The following CDH13 variants were observed in gnomAD, a reference collection of about 807,000 sequenced individuals.
CDH13 encodes the protein cadherin-13.
A neutral mutation model predicts 63.8 loss-of-function variants in CDH13; 24 were observed. The observed-to-expected ratio is 0.38, with a 90% CI of 0.27 to 0.53. The LOEUF is 0.53. Ranked by LOEUF, CDH13 falls within the 20% of genes least tolerant of loss-of-function variation. The pLI, the probability that CDH13 is intolerant of heterozygous loss-of-function variation, is 0.85. For missense variants in CDH13, 1,049 were observed against 903.1 expected, an observed-to-expected ratio of 1.16 and a Z score of -2.07; for synonymous variants, 503 against 355.3, an observed-to-expected ratio of 1.42 and a Z score of -4.67.
At chr16:83,033,210 C>A (rs1916536238) in intron 3 of CDH13, among the ~76,000 whole-genome samples, 1 of 152,098 alleles carries the variant, frequency 6.6e-6, no homozygotes, top group South Asian at 2.1e-4. Flanking sequence ...CATGCTCCTC[C>A]TGTTGTTTTG....
chr16:82,958,030 G>A (rs1193711855), intron 2 of CDH13, among the ~76,000 whole-genome samples: 1 of 152,186 alleles, frequency 6.6e-6, no homozygotes, highest in African/African-American at 2.4e-5. Flanking sequence ...AGATGGCAGA[G>A]GTGGGTGAGG....
At chr16:83,175,875 C>G (rs1220093877) in intron 4 of CDH13, among the ~76,000 whole-genome samples, 1 of 128,824 alleles carries the variant, frequency 7.8e-6, no homozygotes, top group African/African-American at 3.1e-5. Flanking sequence ...ATTGCCCAGG[C>G]TAGAGTGTAA....
intron 5 of CDH13, among the ~76,000 whole-genome samples, chr16:83,342,854 T>TTTTTTTTTTTTTTTTG (rs2090757875): frequency 6.9e-6 from 1 of 145,452 alleles, no homozygotes; most frequent in Non-Finnish European, 1.5e-5. Context: ...TTTTTTTTTT[T>TTTTTTTTTTTTTTTTG]TTTTTTTTTT....
At chr16:82,705,671 A>G (rs1373329004) in intron 1 of CDH13, among the ~76,000 whole-genome samples, 4 of 152,132 alleles carry the variant, frequency 2.6e-5, no homozygotes, top group African/African-American at 9.7e-5. Flanking sequence ...TTCATTCAAA[A>G]CTAGTCCTCA....
At chr16:83,335,050 T>C (rs1567599939) in intron 5 of CDH13, among the ~76,000 whole-genome samples, 1 of 152,226 alleles carries the variant, frequency 6.6e-6, no homozygotes, top group Admixed American at 6.5e-5. Flanking sequence ...ATTGTATCCA[T>C]GGTGGAAAAT....
intron 1 of CDH13, chr16:82,824,873 A>G (rs2038169839): frequency 6.6e-6 from 1 of 152,260 alleles, no homozygotes; most frequent in South Asian, 2.1e-4. Context: ...GCTGCCATTT[A>G]GAAATTCTCA....
intron 7 of CDH13, among the ~76,000 whole-genome samples, chr16:83,574,773 C>T (rs1165617346): frequency 6.6e-6 from 1 of 152,136 alleles, no homozygotes; most frequent in East Asian, 1.9e-4. Flanking sequence ...TTCTATGAAA[C>T]AAGAATTTCA....
At chr16:83,377,934 G>A (rs1179869835) in intron 6 of CDH13, among the ~76,000 whole-genome samples, 1 of 152,194 alleles carries the variant, frequency 6.6e-6, no homozygotes, top group East Asian at 1.9e-4. Context: ...CTGGAAAGAA[G>A]CAGACCATTG....
chr16:83,399,314 G>T (rs2091932923), intron 6 of CDH13, among the ~76,000 whole-genome samples: 2 of 152,178 alleles, frequency 1.3e-5, no homozygotes, highest in Non-Finnish European at 1.5e-5. Context: ...CAAGTGTTTT[G>T]AAATATGTTA....
At chr16:83,110,487 A>G (rs896811700) in intron 3 of CDH13, among the ~76,000 whole-genome samples, 12 of 152,298 alleles carry the variant, frequency 7.9e-5, no homozygotes, top group Non-Finnish European at 4.4e-5. Flanking sequence ...CACAAATGAA[A>G]ACAGGGCTTT....
chr16:83,186,330 G>C (rs1027346071), intron 4 of CDH13, among the ~76,000 whole-genome samples: 3 of 151,672 alleles, frequency 2.0e-5, no homozygotes, highest in African/African-American at 7.3e-5. Flanking sequence ...GTAGAGATGG[G>C]GTTTCACCAT....
At chr16:83,310,670 A>C (rs924347123) in intron 5 of CDH13, among the ~76,000 whole-genome samples, 1 of 152,136 alleles carries the variant, frequency 6.6e-6, no homozygotes, top group African/African-American at 2.4e-5. Flanking sequence ...CATTCCATCA[A>C]AATGAACCCT....
chr16:83,419,669 C>T (rs74893421), intron 6 of CDH13, among the ~76,000 whole-genome samples: 11,256 of 152,198 alleles, frequency 0.074, 481 homozygotes, highest in African/African-American at 0.11. Context: ...CTGCCCAAAC[C>T]CCGCAGTATT....
intron 5 of CDH13, among the ~76,000 whole-genome samples, chr16:83,293,554 G>A (rs1180921982): frequency 2.0e-5 from 3 of 152,086 alleles, no homozygotes; most frequent in African/African-American, 7.2e-5. Context: ...TTGATTTGGT[G>A]TCTATATTCA....
intron 4 of CDH13, among the ~76,000 whole-genome samples, chr16:83,133,758 C>G (rs1227510060): frequency 6.6e-6 from 1 of 152,198 alleles, no homozygotes; most frequent in East Asian, 1.9e-4. Context: ...CTCGGCTGCC[C>G]AAAGTGCTGG....
intron 1 of CDH13, among the ~76,000 whole-genome samples, chr16:82,698,682 G>A (rs971229675): frequency 1.3e-5 from 2 of 152,218 alleles, no homozygotes; most frequent in Non-Finnish European, 2.9e-5. Context: ...TCCCATGGCT[G>A]AGCCCATTGT....
In CDH13 at chr16:83,430,217, C is replaced by T. The variant is rs552160101; in HGVS notation, c.782-56260C>T. On this transcript the variant is annotated intron_variant, in intron 6 of 13. Transcript: ENST00000567109. ...CACAACTGGCAAGATGTGGAACCAG[C>T]CTAAGTGTTTCCTGACATGCACTCT... is the stretch of plus-strand genomic sequence containing the variant. 3.9e-5 allele frequency among the ~76,000 whole-genome samples: 6 copies of T among 152,298 alleles called. 1 individual carries two copies. Among genetic ancestry groups the T allele is most frequent in the African/African-American group, 1.4e-4 (6 of 41,570 alleles).
intron 6 of CDH13, among the ~76,000 whole-genome samples, chr16:83,372,041 A>T (rs1335554734): frequency 6.6e-6 from 1 of 152,176 alleles, no homozygotes; most frequent in Non-Finnish European, 1.5e-5. Context: ...TGTTCACGAG[A>T]TGCTTCCTGA....
intron 7 of CDH13, among the ~76,000 whole-genome samples, chr16:83,534,406 G>A (rs2075143921): frequency 1.3e-5 from 2 of 152,132 alleles, no homozygotes; most frequent in Non-Finnish European, 2.9e-5. Context: ...TTTTCATGGG[G>A]CCGTTACAAG....
Sources: gnomAD v4.1 joint callset for allele counts (sites outside exome capture counted in the v4.1 genomes callset) on GRCh38, gnomAD v4.1.1 for gene constraint, MANE v1.5 for transcripts, NCBI Gene and HGNC (gene_info 2026-07-23, HGNC 2026-07-21) for gene names.